Variants in CACNA2D3 observed in about 807,000 individuals in gnomAD.
CACNA2D3 encodes calcium voltage-gated channel auxiliary subunit alpha2delta 3, also known as voltage-dependent calcium channel subunit alpha-2/delta-3.
A neutral mutation model predicts 160.6 loss-of-function variants in CACNA2D3; 60 were observed. The observed-to-expected ratio is 0.37, with a 90% confidence interval of 0.30 to 0.46. The LOEUF is 0.46. CACNA2D3 is among the 20% of genes least tolerant of loss of function. CACNA2D3 has a pLI of 1.00. For missense variants in CACNA2D3, 1,205 were observed against 1,365.0 expected, an observed-to-expected ratio of 0.88 and a Z score of 1.85; for synonymous variants, 558 against 492.9, an observed-to-expected ratio of 1.13 and a Z score of -1.75.
At chr3:54,440,510 A>T (rs2106793038) in intron 4 of CACNA2D3, among the ~76,000 whole-genome samples, 1 of 152,094 alleles carries the variant, frequency 6.6e-6, no homozygotes, top group African/African-American at 2.4e-5. Context: ...TTATACTTTA[A>T]GTTTTAGGGT....
intron 2 of CACNA2D3, among the ~76,000 whole-genome samples, chr3:54,258,085 A>G (rs926166552): frequency 6.6e-6 from 1 of 152,238 alleles, no homozygotes; most frequent in African/African-American, 2.4e-5. Context: ...GCATCAAAGC[A>G]TAGTAACCTT....
chr3:55,040,732 T>TC (rs1023723745), intron 35 of CACNA2D3, among the ~76,000 whole-genome samples: 8 of 152,164 alleles, frequency 5.3e-5, no homozygotes, highest in African/African-American at 1.9e-4. Flanking sequence ...GTGGGGTTAC[T>TC]CCAACAATTT....
chr3:54,663,939 C>T (rs1265648754), intron 11 of CACNA2D3, among the ~76,000 whole-genome samples: 2 of 152,230 alleles, frequency 1.3e-5, no homozygotes, highest in African/African-American at 4.8e-5. Context: ...CTCCAGCATT[C>T]CTTTCTGCGC....
chr3:54,547,894 A>G (rs976344445), intron 5 of CACNA2D3, among the ~76,000 whole-genome samples: 4 of 152,006 alleles, frequency 2.6e-5, no homozygotes, highest in Non-Finnish European at 4.4e-5. Flanking sequence ...GAGTCTTGCT[A>G]TATTACGCAG....
intron 9 of CACNA2D3, among the ~76,000 whole-genome samples, chr3:54,585,585 C>T (rs931137899): frequency 5.3e-5 from 8 of 151,992 alleles, no homozygotes; most frequent in African/African-American, 1.9e-4. Context: ...CCAAGTTCCA[C>T]GTAGCTGGGG....
chr3:54,778,587 A>G (rs1344044623), intron 13 of CACNA2D3, among the ~76,000 whole-genome samples: 3 of 152,178 alleles, frequency 2.0e-5, no homozygotes, highest in East Asian at 3.9e-4. Context: ...TTCTTGTACT[A>G]TTATATTAAG....
chr3:54,242,018 A>G (rs1701983123), intron 2 of CACNA2D3, among the ~76,000 whole-genome samples: 1 of 152,226 alleles, frequency 6.6e-6, no homozygotes. Flanking sequence ...AAAACTGGAT[A>G]GTACCAAAAC....
At chr3:54,976,368 T>G (rs1322221499) in intron 29 of CACNA2D3, among the ~76,000 whole-genome samples, 1 of 150,144 alleles carries the variant, frequency 6.7e-6, no homozygotes, top group Non-Finnish European at 1.5e-5. Flanking sequence ...CATTGGGAGA[T>G]ATACCTAATG....
rs72872252 is a variant in CACNA2D3, at chr3:54,714,677, C to T, written c.1168-37922C>T. Among the ~76,000 whole-genome samples, 203 of 152,308 alleles carry T rather than the reference C, an allele frequency of 1.3e-3. 1 individual carries two copies. The highest frequency in any genetic ancestry group is 6.8e-3 in the Middle Eastern group (2 of 294). ...CATAGACTATTTCCTCACTAGACCA[C>T]CTCTTTGCCTCTGGATCATGTACAC... On this transcript the variant is annotated intron_variant, in intron 11 of 37. Transcript: ENST00000474759.
intron 9 of CACNA2D3, among the ~76,000 whole-genome samples, chr3:54,619,836 A>T (rs777945635): frequency 6.6e-6 from 1 of 152,088 alleles, no homozygotes; most frequent in Non-Finnish European, 1.5e-5. Context: ...TCCCTGAGAG[A>T]TTTGCCCCAA....
At chr3:54,338,467 C>CTCTGTGTGTGTGTGTG (rs996617901) in intron 3 of CACNA2D3, among the ~76,000 whole-genome samples, 27 of 136,438 alleles carry the variant, frequency 2.0e-4, no homozygotes, top group African/African-American at 7.3e-4. Flanking sequence ...TCTCCCCTCC[C>CTCTGTGTGTGTGTGTG]TGTGTGTGTG....
chr3:54,401,172 T>C (rs979310843), intron 4 of CACNA2D3, among the ~76,000 whole-genome samples: 4 of 151,938 alleles, frequency 2.6e-5, no homozygotes, highest in Admixed American at 2.0e-4. Context: ...TGATGATAGG[T>C]CTTTTGAAAT....
intron 4 of CACNA2D3, among the ~76,000 whole-genome samples, chr3:54,403,702 GAATT>G (rs1699515449): frequency 6.6e-6 from 1 of 151,930 alleles, no homozygotes; most frequent in African/African-American, 2.4e-5. Context: ...AAAATTAACT[GAATT>G]GTTTATTTTT....
chr3:54,392,920 T>A (rs368752212), intron 4 of CACNA2D3, among the ~76,000 whole-genome samples: 2 of 152,296 alleles, frequency 1.3e-5, no homozygotes, highest in South Asian at 2.1e-4. Flanking sequence ...GGGAGAGTGA[T>A]GTCAACAAGA....
intron 2 of CACNA2D3, among the ~76,000 whole-genome samples, chr3:54,293,644 A>C (rs1170652077): frequency 2.0e-5 from 3 of 152,196 alleles, no homozygotes; most frequent in Admixed American, 6.5e-5. Context: ...AGAGGCATAC[A>C]CAACACCCAC....
At chr3:54,175,724 T>A (rs1264778753) in intron 2 of CACNA2D3, among the ~76,000 whole-genome samples, 1 of 151,230 alleles carries the variant, frequency 6.6e-6, no homozygotes, top group African/African-American at 2.4e-5. Flanking sequence ...CAGCCCCCAG[T>A]GGGGTGCAGA....
chr3:54,295,705 G>C (rs1260581823), intron 2 of CACNA2D3, among the ~76,000 whole-genome samples: 2 of 152,222 alleles, frequency 1.3e-5, no homozygotes, highest in Non-Finnish European at 1.5e-5. Context: ...GAAGCAATCA[G>C]ATATCCATTT....
intron 3 of CACNA2D3, among the ~76,000 whole-genome samples, chr3:54,380,075 T>C (rs1334797210): frequency 6.6e-6 from 1 of 152,198 alleles, no homozygotes; most frequent in Non-Finnish European, 1.5e-5. Context: ...GGAATGAAAA[T>C]GTAAATCTGA....
intron 35 of CACNA2D3, among the ~76,000 whole-genome samples, chr3:55,032,822 C>T (rs958464930): frequency 3.3e-5 from 5 of 151,850 alleles, no homozygotes; most frequent in African/African-American, 1.2e-4. Flanking sequence ...AGGAACATGT[C>T]ATGTTAATTC....
Sources: gnomAD v4.1 joint callset for allele counts (sites outside exome capture counted in the v4.1 genomes callset) on GRCh38, gnomAD v4.1.1 for gene constraint, MANE v1.5 for transcripts, NCBI Gene and HGNC (gene_info 2026-07-23, HGNC 2026-07-21) for gene names.